The following BCKDHB variants were observed in gnomAD, a reference collection of about 807,000 sequenced individuals.
BCKDHB encodes branched chain keto acid dehydrogenase E1 subunit beta.
BCKDHB carries 41 observed loss-of-function variants against 48.5 expected under a neutral mutation model. The observed-to-expected ratio is 0.85, with a 90% CI of 0.66 to 1.10. BCKDHB has a LOEUF of 1.10. Ranked by LOEUF, BCKDHB falls within the 50% of genes least tolerant of loss-of-function variation. The probability of loss-of-function intolerance (pLI) is 0.00; values close to 1 mark genes in which losing one functional copy is unlikely to be tolerated. For synonymous variants in BCKDHB, 201 were observed against 174.8 expected (o/e 1.15, Z -1.18); for missense variants, 496 against 494.2 (o/e 1.00, Z -0.03).
At chr6:80,182,642 G>A (rs1021068884) in intron 6 of BCKDHB, among the ~76,000 whole-genome samples, 1 of 152,046 alleles carries the variant, frequency 6.6e-6, no homozygotes, top group African/African-American at 2.4e-5. Flanking sequence ...GCCTTTTTCT[G>A]TGCTTTTATA....
At chr6:80,379,760 A>C in the BCKDHB span, among the ~76,000 whole-genome samples, 1 of 13,014 alleles carries the variant, frequency 7.7e-5, no homozygotes, top group Non-Finnish European at 1.2e-3. Context: ...TCCGGATACG[A>C]AATCAATTTA....
At chr6:80,302,771 A>G (rs1767654524) in intron 9 of BCKDHB, among the ~76,000 whole-genome samples, 1 of 152,186 alleles carries the variant, frequency 6.6e-6, no homozygotes, top group Non-Finnish European at 1.5e-5. Flanking sequence ...GTTTTGTCCC[A>G]TTACACTGTT....
chr6:80,397,707 C>G, the BCKDHB span, among the ~76,000 whole-genome samples: 1 of 152,122 alleles, frequency 6.6e-6, no homozygotes, highest in Non-Finnish European at 1.5e-5. Flanking sequence ...CATGGTGTAA[C>G]CCCATCTCTA....
intron 3 of BCKDHB, among the ~76,000 whole-genome samples, chr6:80,139,426 T>C (rs1771068459): frequency 6.6e-6 from 1 of 152,174 alleles, no homozygotes; most frequent in Non-Finnish European, 1.5e-5. Flanking sequence ...CTAGGGTTTT[T>C]ATGGTTTTAG....
chr6:80,228,092 T>C (rs1275709120), intron 8 of BCKDHB, among the ~76,000 whole-genome samples: 1 of 152,158 alleles, frequency 6.6e-6, no homozygotes, highest in Admixed American at 6.5e-5. Context: ...TAATCTTCAA[T>C]AGTAGAGGAA....
At position 80,168,723 on chromosome 6, in the gene BCKDHB, G is replaced by C. The variant is rs74420307; in HGVS notation, c.478-152G>C. On this transcript the variant is annotated intron_variant, in intron 4 of 9. Coordinates refer to ENST00000320393, the MANE Select transcript of BCKDHB (RefSeq NM_183050.4). ...GAAAGGCAGGCAGGCAGGAAGGAAG[G>C]AAGGAAGAGGGGGAGGGAGGCAGGG... is the stretch of plus-strand genomic sequence containing the variant. 170 of 830,230 alleles carry C rather than the reference G, an allele frequency of 2.0e-4. 1 individual carries two copies. In the East Asian group the frequency reaches 3.9e-3, roughly 19 times the overall value. The allele number at this position is 830,230 out of a possible 1,614,324, so 51.4% of individuals were successfully genotyped here. A position where few individuals can be genotyped will look rare whatever the true frequency, so the allele number is the denominator to read the frequency against.
At chr6:80,435,255 A>G in the BCKDHB span, among the ~76,000 whole-genome samples, 1 of 152,162 alleles carries the variant, frequency 6.6e-6, no homozygotes, top group Non-Finnish European at 1.5e-5. Context: ...GCTGGGCACA[A>G]TTTGATTTTA....
intron 9 of BCKDHB, among the ~76,000 whole-genome samples, chr6:80,311,835 A>G (rs574322444): frequency 2.1e-4 from 32 of 152,238 alleles, no homozygotes; most frequent in Non-Finnish European, 4.6e-4. Flanking sequence ...GTAGCCTTGT[A>G]GTATAGTTTG....
Position 80,255,559 on chromosome 6 carries a change from G to A in BCKDHB, c.952-17576G>A, listed in dbSNP as rs369764716. On this transcript the variant is annotated intron_variant, in intron 8 of 9. Transcript: ENST00000320393. Reference sequence around the variant, plus strand: ...CTAACAGCTGATTACTAAGGAACCTGCTCTTACCGAACAGCATGCAGTGGG... The same window carrying A: ...CTAACAGCTGATTACTAAGGAACCTACTCTTACCGAACAGCATGCAGTGGG... Among the ~76,000 whole-genome samples, 50 of 152,292 alleles carry A rather than the reference G, an allele frequency of 3.3e-4. No homozygotes were observed. The East Asian group carries it at 8.9e-3, about 27-fold the overall frequency.
At position 80,128,872 on chromosome 6, in the gene BCKDHB, CTGTGTG is replaced by C. The variant is rs60116640; in HGVS notation, c.275-258_275-253del. Among the ~76,000 whole-genome samples, 11,236 of 147,248 alleles carry C rather than the reference CTGTGTG, an allele frequency of 0.076. 628 individuals carry two copies. The highest frequency in any genetic ancestry group is 0.24 in the South Asian group (1,110 of 4,596). On this transcript the variant is annotated intron_variant, in intron 2 of 9. Transcript: ENST00000320393. Reference sequence around the variant, plus strand: ...GTGAAGACACTTTTTGTTGTCTCAACTGTGTGTGTGTGTGTGTGTGTGTGTGTGTGT... The same window carrying C: ...GTGAAGACACTTTTTGTTGTCTCAACTGTGTGTGTGTGTGTGTGTGTGTGT...
chr6:80,297,864 C>G (rs1767337615), intron 9 of BCKDHB, among the ~76,000 whole-genome samples: 1 of 152,116 alleles, frequency 6.6e-6, no homozygotes, highest in African/African-American at 2.4e-5. Flanking sequence ...TCTGATGCCC[C>G]CAGTGTCAAA....
At chr6:80,122,688 A>G (rs1159563190) in intron 1 of BCKDHB, among the ~76,000 whole-genome samples, 1 of 152,222 alleles carries the variant, frequency 6.6e-6, no homozygotes, top group Non-Finnish European at 1.5e-5. Flanking sequence ...AAGCAGAGCA[A>G]AGATCACATG....
chr6:80,400,273 C>T, the BCKDHB span, among the ~76,000 whole-genome samples: 45 of 150,948 alleles, frequency 3.0e-4, no homozygotes, highest in Non-Finnish European at 5.2e-4. Context: ...GCAAAAGAAG[C>T]GTAAACAGAC....
chr6:80,289,076 G>C (rs1766777639), intron 9 of BCKDHB, among the ~76,000 whole-genome samples: 1 of 152,158 alleles, frequency 6.6e-6, no homozygotes, highest in African/African-American at 2.4e-5. Flanking sequence ...CCCTCATTGA[G>C]GGATTATTGA....
the BCKDHB span, among the ~76,000 whole-genome samples, chr6:80,445,609 C>T: frequency 6.6e-6 from 1 of 152,052 alleles, no homozygotes; most frequent in African/African-American, 2.4e-5. Context: ...CCTGGTGTGG[C>T]TGATTTTAAG....
the BCKDHB span, among the ~76,000 whole-genome samples, chr6:80,402,495 A>G: frequency 2.0e-5 from 3 of 151,850 alleles, no homozygotes; most frequent in Non-Finnish European, 4.4e-5. Flanking sequence ...ACTTCCATAC[A>G]TATTTTTAAT....
the BCKDHB span, among the ~76,000 whole-genome samples, chr6:80,380,147 G>T: frequency 6.6e-6 from 1 of 151,954 alleles, no homozygotes; most frequent in Non-Finnish European, 1.5e-5. Context: ...TAAGCAGAAA[G>T]AACAAATCTG....
At chr6:80,236,316 G>A (rs934770749) in intron 8 of BCKDHB, among the ~76,000 whole-genome samples, 2 of 152,144 alleles carry the variant, frequency 1.3e-5, no homozygotes, top group African/African-American at 4.8e-5. Context: ...ATACAATTTT[G>A]TATTTAACAG....
intron 6 of BCKDHB, among the ~76,000 whole-genome samples, chr6:80,173,067 C>A (rs1046981868): frequency 2.6e-5 from 4 of 151,976 alleles, no homozygotes; most frequent in Admixed American, 2.6e-4. Flanking sequence ...AGAAATTTTG[C>A]AGTATTTAAT....
Sources: allele counts gnomAD v4.1 joint callset (sites outside exome capture counted in the v4.1 genomes callset), GRCh38; gene constraint gnomAD v4.1.1; transcripts MANE v1.5; gene names NCBI Gene and HGNC (gene_info 2026-07-23, HGNC 2026-07-21).